NXNL2: variants seen among roughly 807,000 people sequenced by gnomAD.
NXNL2 encodes the protein nucleoredoxin-like protein 2.
In NXNL2, 7 loss-of-function variants were observed where a neutral mutation model predicts 11.1. That is an observed-to-expected ratio of 0.63 (90% CI 0.36 to 1.18). The LOEUF (loss-of-function observed/expected upper bound fraction) is 1.18. NXNL2 is among the 50% of genes most tolerant of loss of function. The pLI is 0.02. For missense variants in NXNL2, 233 were observed against 217.7 expected, an observed-to-expected ratio of 1.07 and a Z score of -0.44; for synonymous variants, 109 against 101.8, an observed-to-expected ratio of 1.07 and a Z score of -0.42.
chr9:88,579,341 C>A (rs1830384449), downstream of NXNL2, among the ~76,000 whole-genome samples: 1 of 152,176 alleles, frequency 6.6e-6, no homozygotes, highest in Non-Finnish European at 1.5e-5. Flanking sequence ...GTTACAGGAC[C>A]CACGGGGTGG....
intron 1 of NXNL2, among the ~76,000 whole-genome samples, chr9:88,559,180 A>T (rs888496265): frequency 3.2e-4 from 49 of 152,066 alleles, no homozygotes; most frequent in African/African-American, 1.2e-3. Context: ...CTCTGGAGGG[A>T]TGGGGACAAG....
intron 1 of NXNL2, among the ~76,000 whole-genome samples, chr9:88,538,948 AAATG>A (rs1259885707): frequency 6.6e-6 from 1 of 152,160 alleles, no homozygotes; most frequent in Non-Finnish European, 1.5e-5. Context: ...TCATGCCAGA[AAATG>A]AAGGAGACAT....
At chr9:88,538,610 C>T (rs1210657892) in intron 1 of NXNL2, among the ~76,000 whole-genome samples, 2 of 152,208 alleles carry the variant, frequency 1.3e-5, no homozygotes, top group South Asian at 2.1e-4. Context: ...TCCTCTTTCC[C>T]AGCACACAGC....
downstream of NXNL2, among the ~76,000 whole-genome samples, chr9:88,548,622 G>A (rs972789689): frequency 6.8e-6 from 1 of 147,066 alleles, no homozygotes; most frequent in Non-Finnish European, 1.5e-5. Context: ...GGCGGAGCTT[G>A]CAGTGAGCCG....
At chr9:88,574,688 C>T (rs1007772829) in intron 2 of NXNL2, among the ~76,000 whole-genome samples, 3 of 152,214 alleles carry the variant, frequency 2.0e-5, no homozygotes, top group Admixed American at 2.0e-4. Flanking sequence ...GTGGGGACTT[C>T]CTTATACAGC....
At chr9:88,559,236 G>A (rs1564072738) in intron 1 of NXNL2, among the ~76,000 whole-genome samples, 2 of 152,260 alleles carry the variant, frequency 1.3e-5, no homozygotes, top group African/African-American at 4.8e-5. Flanking sequence ...GCTCAGGCCC[G>A]GGAGGAGGCC....
intron 1 of NXNL2, among the ~76,000 whole-genome samples, chr9:88,566,907 C>CT (rs1554706772): frequency 1.7e-4 from 26 of 151,958 alleles, no homozygotes; most frequent in African/African-American, 5.8e-4. Flanking sequence ...ATCTATCTAT[C>CT]ATCTATCTAT....
intron 1 of NXNL2, among the ~76,000 whole-genome samples, chr9:88,540,331 TAAA>T (rs112693535): frequency 7.2e-6 from 1 of 139,098 alleles, no homozygotes. Flanking sequence ...GACTCCATCT[TAAA>T]AAAAAAAAAA....
chr9:88,571,625 C>G (rs534468394), intron 2 of NXNL2, among the ~76,000 whole-genome samples: 5 of 152,296 alleles, frequency 3.3e-5, no homozygotes, highest in African/African-American at 1.2e-4. Context: ...TCCACCGTTG[C>G]TATGGCAAGA....
Position 88,535,479 on chromosome 9 carries a change from C to T in NXNL2, c.45C>T (p.Gly15=). The T allele has an allele frequency of 1.9e-6, 3 of 1,608,908 alleles. No homozygotes were observed. The change falls in exon 1 of 2, where the codon GGC becomes GGT. Residue 15 remains glycine (G), a synonymous_variant. Coordinates refer to ENST00000375854, the MANE Select transcript of NXNL2 (RefSeq NM_001161625.2). ...AGCGGCACCTGGTGACCTGTAAGGGCGCGACGGTGGAGGCCGAGGCGGCGC... is the reference window on the plus strand; with the variant it reads ...AGCGGCACCTGGTGACCTGTAAGGGTGCGACGGTGGAGGCCGAGGCGGCGC... ...LGERHLVTCK[G]ATVEAEAALQ...
intron 1 of NXNL2, 49 bp from the exon 2 acceptor site, chr9:88,544,330 G>A: frequency 2.0e-6 from 3 of 1,504,584 alleles, no homozygotes; most frequent in Non-Finnish European, 2.7e-6. Context: ...TGTCCCTTCA[G>A]ATGTGCATGT....
At chr9:88,559,264 C>G (rs781687364) in intron 1 of NXNL2, among the ~76,000 whole-genome samples, 17 of 152,108 alleles carry the variant, frequency 1.1e-4, no homozygotes, top group Non-Finnish European at 2.2e-4. Flanking sequence ...GGCCCGTGGA[C>G]TACAGGTTAC....
chr9:88,567,885 A>C (rs1830200153), intron 1 of NXNL2, among the ~76,000 whole-genome samples: 1 of 152,190 alleles, frequency 6.6e-6, no homozygotes, highest in African/African-American at 2.4e-5. Flanking sequence ...GACCAAGACC[A>C]GCCTGAGTTG....
downstream of NXNL2, among the ~76,000 whole-genome samples, chr9:88,547,783 G>A (rs537752326): frequency 2.1e-3 from 323 of 152,260 alleles, 1 homozygote; most frequent in African/African-American, 7.4e-3. Context: ...TCCGGAGGCC[G>A]AGGTGGGTGG....
At chr9:88,542,265 C>T (rs762327835) in intron 1 of NXNL2, among the ~76,000 whole-genome samples, 2 of 151,660 alleles carry the variant, frequency 1.3e-5, no homozygotes, top group South Asian at 4.2e-4. Flanking sequence ...AAAAAACAAA[C>T]GAACGAACAA....
chr9:88,564,381 T>C (rs1830137681), intron 1 of NXNL2, among the ~76,000 whole-genome samples: 1 of 152,078 alleles, frequency 6.6e-6, no homozygotes, highest in South Asian at 2.1e-4. Context: ...CATGTATATA[T>C]GTACAATGTA....
intron 1 of NXNL2, among the ~76,000 whole-genome samples, chr9:88,562,312 C>T (rs992060855): frequency 2.6e-5 from 4 of 151,966 alleles, no homozygotes; most frequent in African/African-American, 4.8e-5. Context: ...CCCAAGGGTG[C>T]GGCTGGGGGC....
intron 1 of NXNL2, among the ~76,000 whole-genome samples, chr9:88,582,284 A>G (rs562136606): frequency 6.6e-6 from 1 of 152,252 alleles, no homozygotes; most frequent in East Asian, 1.9e-4. Context: ...CCTGGCTAAC[A>G]CGGTGAAACC....
downstream of NXNL2, among the ~76,000 whole-genome samples, chr9:88,546,268 GGCTGGAAGATTTT>G (rs1829844766): frequency 6.6e-6 from 1 of 151,944 alleles, no homozygotes; most frequent in Non-Finnish European, 1.5e-5. Flanking sequence ...GGTGTTTGTG[GGCTGGAAGATTTT>G]GCTTTGGGGT....
Sources: gnomAD v4.1 joint callset for allele counts (sites outside exome capture counted in the v4.1 genomes callset) on GRCh38, gnomAD v4.1.1 for gene constraint, MANE v1.5 for transcripts, NCBI Gene and HGNC (gene_info 2026-07-23, HGNC 2026-07-21) for gene names.